OR51B5: variants seen among roughly 807,000 people sequenced by gnomAD.
The protein encoded by OR51B5 is olfactory receptor family 51 subfamily B member 5, also known as olfactory receptor 51B5.
For synonymous variants in OR51B5, 186 were observed against 144.8 expected, an observed-to-expected ratio of 1.28 and a Z score of -2.04; for missense variants, 456 against 374.6, an observed-to-expected ratio of 1.22 and a Z score of -1.79.
At chr11:5,377,568 T>C (rs1849546979) in intron 1 of OR51B5, among the ~76,000 whole-genome samples, 2 of 152,070 alleles carry the variant, frequency 1.3e-5, no homozygotes, top group Admixed American at 6.6e-5. Context: ...AACCCCCTTG[T>C]CTCAGCCCAA....
intron 1 of OR51B5, chr11:5,453,875 C>T (rs2133787465): frequency 6.2e-7 from 1 of 1,614,228 alleles, no homozygotes; most frequent in African/African-American, 1.3e-5. Context: ...TTTGTGACCC[C>T]TTGCGCTATG....
At chr11:5,433,416 C>G (rs1403436598) in intron 1 of OR51B5, among the ~76,000 whole-genome samples, 14 of 152,178 alleles carry the variant, frequency 9.2e-5, no homozygotes, top group Non-Finnish European at 1.9e-4. Flanking sequence ...AACTGAATTA[C>G]TTCCAATCAC....
At chr11:5,489,444 C>T (rs1210250818) in intron 1 of OR51B5, 8 of 1,613,946 alleles carry the variant, frequency 5.0e-6, no homozygotes, top group Non-Finnish European at 5.1e-6. Flanking sequence ...CCTGTGGCTC[C>T]CACATTGGCA....
At chr11:5,404,643 G>A (rs35392185) in intron 1 of OR51B5, among the ~76,000 whole-genome samples, 51,311 of 152,070 alleles carry the variant, frequency 0.34, 8,984 homozygotes, top group South Asian at 0.42. Context: ...CCCCTTGCAC[G>A]CTGTGGAAGC....
At chr11:5,403,511 T>C (rs1850007205) in intron 1 of OR51B5, 1 of 471,800 alleles carries the variant, frequency 2.1e-6, no homozygotes, top group Non-Finnish European at 4.4e-6. Flanking sequence ...ATGGTGCCAT[T>C]GTCCGAATGC....
At chr11:5,366,282 G>A (rs17356328) in intron 1 of OR51B5, among the ~76,000 whole-genome samples, 16,839 of 152,024 alleles carry the variant, frequency 0.11, 1,051 homozygotes, top group South Asian at 0.15. Context: ...ATCTGAAAAG[G>A]AGCTCAAGGG....
At chr11:5,492,984 TC>T (rs1226065577) in intron 1 of OR51B5, among the ~76,000 whole-genome samples, 11 of 152,170 alleles carry the variant, frequency 7.2e-5, no homozygotes, top group Non-Finnish European at 1.6e-4. Flanking sequence ...AAAATTAATG[TC>T]TTTATCTGGA....
At chr11:5,389,615 T>C (rs1265898184) in intron 1 of OR51B5, 2 of 1,613,726 alleles carry the variant, frequency 1.2e-6, no homozygotes, top group African/African-American at 2.7e-5. Context: ...ACCCATGTAC[T>C]ATCTACTATC....
chr11:5,396,054 T>A (rs192010227), intron 1 of OR51B5, among the ~76,000 whole-genome samples: 3 of 152,182 alleles, frequency 2.0e-5, no homozygotes, highest in African/African-American at 7.2e-5. Flanking sequence ...CTTTGCACAA[T>A]CATAGAGTGA....
intron 1 of OR51B5, among the ~76,000 whole-genome samples, chr11:5,436,079 A>AT (rs1850588450): frequency 6.6e-6 from 1 of 152,154 alleles, no homozygotes; most frequent in Non-Finnish European, 1.5e-5. Flanking sequence ...TTGGTTCTCT[A>AT]TTCTAAATAG....
chr11:5,451,291 C>A (rs1368956018), intron 1 of OR51B5, among the ~76,000 whole-genome samples: 1 of 152,232 alleles, frequency 6.6e-6, no homozygotes, highest in African/African-American at 2.4e-5. Flanking sequence ...TTTGGCCTTG[C>A]CCTGAACAAA....
chr11:5,422,831 G>T, intron 1 of OR51B5: 4 of 1,613,776 alleles, frequency 2.5e-6, no homozygotes, highest in Non-Finnish European at 2.5e-6. Flanking sequence ...CATTATTATC[G>T]TGGATCCTCT....
chr11:5,374,448 G>A (rs1020231500), intron 1 of OR51B5, among the ~76,000 whole-genome samples: 1 of 152,214 alleles, frequency 6.6e-6, no homozygotes, highest in Non-Finnish European at 1.5e-5. Flanking sequence ...AAGGAAAGCA[G>A]TTCCTCACCA....
chr11:5,428,556 GAT>G (rs140664969), intron 1 of OR51B5, among the ~76,000 whole-genome samples: 15,509 of 152,064 alleles, frequency 0.1, 1,119 homozygotes, highest in African/African-American at 0.2. Context: ...CTTATATATA[GAT>G]ATGTTTTAGC....
intron 1 of OR51B5, among the ~76,000 whole-genome samples, chr11:5,399,753 C>T (rs1012140096): frequency 4.5e-5 from 5 of 111,104 alleles, no homozygotes; most frequent in African/African-American, 1.8e-4. Flanking sequence ...GAGATGGAAA[C>T]TGAGAAGGAT....
At chr11:5,500,860 A>C (rs1417956643) in intron 1 of OR51B5, among the ~76,000 whole-genome samples, 1 of 148,166 alleles carries the variant, frequency 6.7e-6, no homozygotes, top group Non-Finnish European at 1.5e-5. Flanking sequence ...CATAGCATGC[A>C]TATCCCAGGT....
At chr11:5,473,439 T>C (rs566033712) in intron 1 of OR51B5, among the ~76,000 whole-genome samples, 2 of 152,328 alleles carry the variant, frequency 1.3e-5, no homozygotes, top group South Asian at 2.1e-4. Context: ...TTTAAAGAGT[T>C]AGAAATTGTA....
chr11:5,410,511 C>T (rs1219734698), intron 1 of OR51B5, among the ~76,000 whole-genome samples: 1 of 152,062 alleles, frequency 6.6e-6, no homozygotes, highest in Non-Finnish European at 1.5e-5. Context: ...GCATATAGGA[C>T]AGTGGTTCCA....
downstream of OR51B5, chr11:5,340,319 CAG>C (rs1848874681): frequency 2.0e-5 from 3 of 152,196 alleles, no homozygotes; most frequent in South Asian, 6.2e-4. Context: ...AACATGGAAT[CAG>C]AGATTTGAAG....
Sources: allele counts gnomAD v4.1 joint callset (sites outside exome capture counted in the v4.1 genomes callset), GRCh38; gene constraint gnomAD v4.1.1; transcripts MANE v1.5; gene names NCBI Gene and HGNC (gene_info 2026-07-23, HGNC 2026-07-21).